Variants in SFMBT2 observed in about 807,000 individuals in gnomAD.
SFMBT2 encodes the protein scm-like with four MBT domains protein 2.
A neutral mutation model predicts 110.1 loss-of-function variants in SFMBT2; 38 were observed. The observed-to-expected ratio is 0.35, with a 90% confidence interval of 0.27 to 0.45. The LOEUF (loss-of-function observed/expected upper bound fraction) is 0.45. Among genes scored for constraint, SFMBT2 ranks in the 20% least tolerant of loss-of-function variants. SFMBT2 has a pLI of 1.00. For synonymous variants in SFMBT2, 425 were observed against 425.4 expected, an observed-to-expected ratio of 1.00 and a Z score of 0.01; for missense variants, 1,011 against 1,094.9, an observed-to-expected ratio of 0.92 and a Z score of 1.08.
chr10:7,330,333 T>G (rs2131957073), intron 4 of SFMBT2, among the ~76,000 whole-genome samples: 1 of 152,240 alleles, frequency 6.6e-6, no homozygotes, highest in East Asian at 1.9e-4. Flanking sequence ...CCTCCTAGGG[T>G]CCACCCGCGC....
Position 7,172,505 on chromosome 10 carries a change from C to A in SFMBT2, c.2141G>T (p.Gly714Val), listed in dbSNP as rs1250726666. ...RRSSAVDFTAGSGEESEEEDA... is the reference protein window; with the variant it reads ...RRSSAVDFTAVSGEESEEEDA... ...CCGGGCAGAACATACCTCCCCCGAG[C>A]CCGCGGTGAAGTCCACGGCAGAAGA... The change falls in exon 18 of 21, where the codon GGC becomes GTC. Residue 714 changes from glycine (G) to valine (V), a missense_variant. Coordinates refer to ENST00000397167, the MANE Select transcript of SFMBT2 (RefSeq NM_001387889.1). This position sits in a 1 kb window ranked among gnomAD's most constrained non-coding sequence, Gnocchi z 4.6. 1 of 1,613,924 alleles carries A rather than the reference C, an allele frequency of 6.2e-7. No individual in the cohort carries two copies. The highest frequency in any genetic ancestry group is 1.3e-5 in the African/African-American group (1 of 74,952).
intron 4 of SFMBT2, among the ~76,000 whole-genome samples, chr10:7,331,705 A>G (rs1843563486): frequency 6.6e-6 from 1 of 152,122 alleles, no homozygotes; most frequent in Non-Finnish European, 1.5e-5. Context: ...CCAGAGAAGC[A>G]TGACTTGGGC....
intron 4 of SFMBT2, chr10:7,348,413 A>C: frequency 8.3e-7 from 1 of 1,208,520 alleles, no homozygotes; most frequent in Non-Finnish European, 1.1e-6. Flanking sequence ...GGGGCTCTTC[A>C]TAACTACTGT....
At chr10:7,183,314 G>A (rs1213928734) in intron 16 of SFMBT2, among the ~76,000 whole-genome samples, 2 of 152,140 alleles carry the variant, frequency 1.3e-5, no homozygotes, top group African/African-American at 4.8e-5. Context: ...AGGGAAGAAC[G>A]CAATCTCATC....
intron 15 of SFMBT2, among the ~76,000 whole-genome samples, chr10:7,191,412 G>A (rs1018610541): frequency 6.6e-6 from 1 of 152,178 alleles, no homozygotes; most frequent in Admixed American, 6.5e-5. Flanking sequence ...CTCACGCTCT[G>A]AGAGCCTCAC....
chr10:7,296,887 C>T (rs1351036144), intron 4 of SFMBT2, among the ~76,000 whole-genome samples: 1 of 152,222 alleles, frequency 6.6e-6, no homozygotes, highest in Non-Finnish European at 1.5e-5. Context: ...AGGGAATCCT[C>T]CAGCAGGCGG....
chr10:7,317,660 T>TAAAAAAAAAAAAAAA (rs1843058636), intron 4 of SFMBT2, among the ~76,000 whole-genome samples: 1 of 37,306 alleles, frequency 2.7e-5, no homozygotes, highest in Admixed American at 2.3e-4. Context: ...AAAAAAAAAG[T>TAAAAAAAAAAAAAAA]ACACATCAGC....
At chr10:7,354,166 A>AT (rs1227934757) in intron 4 of SFMBT2, among the ~76,000 whole-genome samples, 1 of 152,104 alleles carries the variant, frequency 6.6e-6, no homozygotes, top group Non-Finnish European at 1.5e-5. Flanking sequence ...AGCAGCCTAT[A>AT]TGCCCCAGAC....
chr10:7,249,168 C>T, intron 7 of SFMBT2: 1 of 520,384 alleles, frequency 1.9e-6, no homozygotes, highest in Non-Finnish European at 2.5e-6. Context: ...ACTCAAGATC[C>T]CATGATCTTA....
chr10:7,288,520 T>C (rs1842167947), intron 4 of SFMBT2, among the ~76,000 whole-genome samples: 1 of 152,146 alleles, frequency 6.6e-6, no homozygotes, highest in Non-Finnish European at 1.5e-5. Context: ...GTTATAGATG[T>C]AGTCATCATT....
intron 9 of SFMBT2, among the ~76,000 whole-genome samples, chr10:7,228,708 TTTCTTTC>T (rs1443454314): frequency 1.5e-5 from 2 of 135,472 alleles, no homozygotes; most frequent in East Asian, 2.1e-4. Context: ...TCTTTCTTTC[TTTCTTTC>T]TTTCTTTCTT....
At chr10:7,272,927 G>A (rs1841642157) in intron 7 of SFMBT2, among the ~76,000 whole-genome samples, 1 of 152,158 alleles carries the variant, frequency 6.6e-6, no homozygotes, top group African/African-American at 2.4e-5. Context: ...TGAGTAGCTG[G>A]GATTACAGAT....
chr10:7,334,311 C>A (rs991445702), intron 4 of SFMBT2, among the ~76,000 whole-genome samples: 3 of 152,146 alleles, frequency 2.0e-5, no homozygotes, highest in Admixed American at 6.5e-5. Flanking sequence ...GCCAAAGCCA[C>A]CACCAGGAGC....
At chr10:7,211,038 C>T (rs1222881600) in intron 11 of SFMBT2, among the ~76,000 whole-genome samples, 1 of 152,080 alleles carries the variant, frequency 6.6e-6, no homozygotes. Context: ...GTTTTCATCC[C>T]CATTTCAGAG....
At chr10:7,372,278 CTCAGA>C (rs1303478255) in intron 2 of SFMBT2, among the ~76,000 whole-genome samples, 1 of 152,162 alleles carries the variant, frequency 6.6e-6, no homozygotes, top group African/African-American at 2.4e-5. Flanking sequence ...TTTGTGTACT[CTCAGA>C]AATTGAGGGA....
intron 11 of SFMBT2, among the ~76,000 whole-genome samples, chr10:7,218,300 G>C (rs2131642774): frequency 6.6e-6 from 1 of 152,242 alleles, no homozygotes; most frequent in South Asian, 2.1e-4. Context: ...CTGAAATAAT[G>C]AGAGCTAAGT....
intron 4 of SFMBT2, among the ~76,000 whole-genome samples, chr10:7,363,562 T>C (rs1321312746): frequency 6.6e-6 from 1 of 152,112 alleles, no homozygotes; most frequent in Non-Finnish European, 1.5e-5. Context: ...TGGCCAGGCT[T>C]GTCTCGAACG....
intron 9 of SFMBT2, among the ~76,000 whole-genome samples, chr10:7,238,745 CA>C (rs1840340066): frequency 6.6e-6 from 1 of 152,164 alleles, no homozygotes; most frequent in Non-Finnish European, 1.5e-5. Context: ...ACATTTTCTA[CA>C]AAAGTTCCTG....
At chr10:7,285,702 C>A in intron 5 of SFMBT2, 164 bp downstream of exon 5, 1 of 623,770 alleles carries the variant, frequency 1.6e-6, no homozygotes, top group Non-Finnish European at 3.0e-6. Flanking sequence ...TCAAATCAGT[C>A]ACCTAAGTAA....
Sources: allele counts gnomAD v4.1 joint callset (sites outside exome capture counted in the v4.1 genomes callset), GRCh38; gene constraint gnomAD v4.1.1; non-coding constraint Gnocchi (gnomAD v3.1); transcripts MANE v1.5; gene names NCBI Gene and HGNC (gene_info 2026-07-23, HGNC 2026-07-21).